The following PRKCD variants were observed in gnomAD, a reference collection of about 807,000 sequenced individuals.
PRKCD encodes protein kinase C delta.
A neutral mutation model predicts 82.2 loss-of-function variants in PRKCD; 20 were observed. The observed-to-expected ratio is 0.24, with a 90% CI of 0.17 to 0.35. PRKCD has a LOEUF of 0.35. Among genes scored for constraint, PRKCD ranks in the 10% least tolerant of loss-of-function variants. The pLI, the probability that PRKCD is intolerant of heterozygous loss-of-function variation, is 1.00. For synonymous variants in PRKCD, 317 were observed against 337.0 expected, an observed-to-expected ratio of 0.94 and a Z score of 0.65; for missense variants, 607 against 899.0, an observed-to-expected ratio of 0.68 and a Z score of 4.15.
chr3:53,181,264 G>A lies in PRKCD; in HGVS notation c.373G>A (p.Val125Met), dbSNP rs370069134. 9.9e-6 allele frequency: 16 copies of A among 1,613,732 alleles called. No individual in the cohort carries two copies. The African/African-American group carries it at 1.3e-4, about 13-fold the overall frequency. Residue 125 changes from valine (V) to methionine (M), a missense_variant, in exon 5 of 19, where the codon GTG becomes ATG. Physicochemically the swap from Val to Met is conservative, Grantham distance 21 (BLOSUM62 1). Around this residue, in one of 5 missense-constraint regions of PRKCD, gnomAD observed 161 missense variants for 227.0 expected, o/e 0.71. Transcript: ENST00000330452. ...LMSVQYFLED[V>M]DCKQSMRSED... The stretch of plus-strand genomic sequence containing the variant: ...GTCTGTTCAGTATTTCCTGGAGGAC[G>A]TGGGTAAGAACTCCCTGGGGGTGGA...
At position 53,188,794 on chromosome 3, in the gene PRKCD, A is replaced by T. The variant is rs782805306; in HGVS notation, c.1490A>T (p.Glu497Val). Residue 497 changes from glutamate to valine, a missense_variant, in exon 16 of 19, where the codon GAG (glutamate) becomes GTG (valine). By Grantham distance (121) the Glu-to-Val change is moderately radical. Around this residue, in one of 5 missense-constraint regions of PRKCD, gnomAD observed 251 missense variants for 423.9 expected, o/e 0.59. Coordinates refer to ENST00000330452, the MANE Select transcript of PRKCD (RefSeq NM_006254.4). ...ATTGCCGACTTTGGGATGTGCAAAG[A>T]GAACATATTCGGGGAGAGCCGGGCC... Reference protein sequence around the residue: ...IKIADFGMCKENIFGESRAST... With the variant: ...IKIADFGMCKVNIFGESRAST... 1 of 1,614,204 alleles carries T rather than the reference A, an allele frequency of 6.2e-7. No homozygotes were observed. Among genetic ancestry groups the T allele is most frequent in the Non-Finnish European group, 8.5e-7 (1 of 1,180,036 alleles).
chr3:53,185,139 CT>C (rs1213286992), intron 10 of PRKCD, among the ~76,000 whole-genome samples, 165 bp downstream of exon 10: 4 of 152,122 alleles, frequency 2.6e-5, no homozygotes, highest in Non-Finnish European at 5.9e-5. Context: ...GGGAGGGGGG[CT>C]TTTTTTCATA....
chr3:53,182,977 TG>T, intron 7 of PRKCD, 143 bp from the exon 8 acceptor site: 1 of 772,948 alleles, frequency 1.3e-6, no homozygotes, highest in Non-Finnish European at 2.2e-6. Context: ...ACTCAAGCGC[TG>T]GGCCTCTGCG....
intron 8 of PRKCD, 48 bp from the exon 9 acceptor site, chr3:53,183,404 G>A (rs1703539742): frequency 6.2e-7 from 1 of 1,609,838 alleles, no homozygotes; most frequent in African/African-American, 1.3e-5. Context: ...TTGAAGAAGA[G>A]GCTGGAGCTG....
Position 53,169,179 on chromosome 3 carries a change from A to G in PRKCD, c.-20+3964A>G, listed in dbSNP as rs532211681. 2.4e-4 allele frequency among the ~76,000 whole-genome samples: 37 copies of G among 151,022 alleles called. No homozygotes were observed. The highest frequency in any genetic ancestry group is 8.5e-4 in the African/African-American group (35 of 41,064). On this transcript the variant is annotated intron_variant, in intron 2 of 18. Transcript: ENST00000330452. The surrounding 1 kb of genome is among the most constrained non-coding windows in gnomAD (Gnocchi z 4.7). ...GCTCGTGCACTCCTAGTGGATGAGGAGCGCTGGGAGGGGAACGGCGGGGGA... is the reference window on the plus strand; with the variant it reads ...GCTCGTGCACTCCTAGTGGATGAGGGGCGCTGGGAGGGGAACGGCGGGGGA...
Position 53,181,551 on chromosome 3 carries a change from A to G in PRKCD, c.484A>G (p.Ile162Val). 1.9e-6 allele frequency: 3 copies of G among 1,614,242 alleles called. No individual in the cohort carries two copies. The highest frequency in any genetic ancestry group is 2.5e-6 in the Non-Finnish European group (3 of 1,180,028). ...CCACTACATCAAGAACCATGAGTTTATCGCCACCTTCTTTGGGCAACCCAC... is the reference window on the plus strand; with the variant it reads ...CCACTACATCAAGAACCATGAGTTTGTCGCCACCTTCTTTGGGCAACCCAC... ...KIHYIKNHEF[I>V]ATFFGQPTFC... is the part of the protein sequence containing the mutation. The change falls in exon 6 of 19, where the codon ATC becomes GTC. Residue 162 changes from isoleucine to valine, a missense_variant. Around this residue, in one of 5 missense-constraint regions of PRKCD, gnomAD observed 161 missense variants for 227.0 expected, o/e 0.71. Transcript: ENST00000330452.
At position 53,179,785 on chromosome 3, in the gene PRKCD, C is replaced by T. The variant is rs200076653; in HGVS notation, c.315+9C>T. 17 of 1,551,416 alleles carry T rather than the reference C, an allele frequency of 1.1e-5. No individual in the cohort carries two copies. Among genetic ancestry groups the T allele is most frequent in the Admixed American group, 7.9e-5 (4 of 50,860 alleles). ...GCAAGGCTGAGTTCTGGGTAAGGGG[C>T]GCACGAGCCGTGCCGTGTGTGTGTG... On this transcript the variant is annotated intron_variant, in intron 4 of 18. Coordinates refer to ENST00000330452, the MANE Select transcript of PRKCD (RefSeq NM_006254.4).
At chr3:53,189,701 G>A (rs1178691319) in intron 17 of PRKCD, among the ~76,000 whole-genome samples, 172 bp from the exon 18 acceptor site, 1 of 152,226 alleles carries the variant, frequency 6.6e-6, no homozygotes, top group Non-Finnish European at 1.5e-5. Context: ...GTCATCTCCG[G>A]GGGAGCTGGG....
chr3:53,179,520 T>A, intron 3 of PRKCD, 57 bp from the exon 4 acceptor site: 1 of 1,606,776 alleles, frequency 6.2e-7, no homozygotes, highest in African/African-American at 1.3e-5. Flanking sequence ...CGTGGAGGTC[T>A]ACGAGGGAGG....
At chr3:53,170,603 A>G (rs1553664693) in intron 2 of PRKCD, among the ~76,000 whole-genome samples, 1 of 152,242 alleles carries the variant, frequency 6.6e-6, no homozygotes, top group African/African-American at 2.4e-5. Context: ...CTCTGGATCA[A>G]GAGGGACTTT....
At chr3:53,187,148 T>C (rs935874785) in intron 14 of PRKCD, among the ~76,000 whole-genome samples, 192 bp from the exon 15 acceptor site, 31 of 151,668 alleles carry the variant, frequency 2.0e-4, no homozygotes, top group African/African-American at 7.6e-4. Context: ...ACTGAGAGCT[T>C]TCCCTTCAGA....
intron 11 of PRKCD, 71 bp downstream of exon 11, chr3:53,185,771 C>A: frequency 6.4e-7 from 1 of 1,555,272 alleles, no homozygotes; most frequent in Non-Finnish European, 8.9e-7. Context: ...ACTGTCCTCC[C>A]TTCCATTGTC....
intron 4 of PRKCD, 39 bp downstream of exon 4, chr3:53,179,815 T>C (rs1419374920): frequency 2.6e-6 from 4 of 1,548,452 alleles, no homozygotes; most frequent in Non-Finnish European, 3.5e-6. Flanking sequence ...TGTGTGTGTG[T>C]GTGTCTGTGT....
At chr3:53,189,035 C>G (rs782252373) in intron 16 of PRKCD, 23 bp from the exon 17 acceptor site, 1 of 1,599,416 alleles carries the variant, frequency 6.3e-7, no homozygotes, top group South Asian at 1.1e-5. Flanking sequence ...CTCCTGCTGA[C>G]CTGCTGCTCT....
chr3:53,175,039 G>C (rs1703167782), intron 2 of PRKCD, among the ~76,000 whole-genome samples: 1 of 152,332 alleles, frequency 6.6e-6, no homozygotes, highest in African/African-American at 2.4e-5. Context: ...TGCAGTCCTG[G>C]GGTGGTCCCC....
At chr3:53,181,414 G>A in intron 5 of PRKCD, 30 bp from the exon 6 acceptor site, 1 of 1,613,880 alleles carries the variant, frequency 6.2e-7, no homozygotes, top group Non-Finnish European at 8.5e-7. Flanking sequence ...CCAGATACCA[G>A]GGCTGACTTC....
At position 53,169,730 on chromosome 3, in the gene PRKCD, G is replaced by A. The variant is rs1001545607; in HGVS notation, c.-20+4515G>A. 6.6e-6 allele frequency among the ~76,000 whole-genome samples: 1 copy of A among 152,198 alleles called. No individual in the cohort carries two copies. The highest frequency in any genetic ancestry group is 1.5e-5 in the Non-Finnish European group (1 of 68,012). Reference sequence around the variant, plus strand: ...GGCAGTAGCTGGCCAGCCTCTGCCAGTGGACTCATGCTGCCTGCTTCAGCC... The same window carrying A: ...GGCAGTAGCTGGCCAGCCTCTGCCAATGGACTCATGCTGCCTGCTTCAGCC... On this transcript the variant is annotated intron_variant, in intron 2 of 18. Coordinates refer to ENST00000330452, the MANE Select transcript of PRKCD (RefSeq NM_006254.4). This position sits in a 1 kb window ranked among gnomAD's most constrained non-coding sequence, Gnocchi z 4.7.
chr3:53,164,945 C>T (rs1702787040), intron 1 of PRKCD, among the ~76,000 whole-genome samples, 159 bp from the exon 2 acceptor site: 1 of 152,130 alleles, frequency 6.6e-6, no homozygotes, highest in African/African-American at 2.4e-5. Flanking sequence ...TTGGGCCCAA[C>T]ACCACATTTC....
chr3:53,186,359 G>C lies in PRKCD; in HGVS notation c.1260+19G>C. 1 of 1,613,020 alleles carries C rather than the reference G, an allele frequency of 6.2e-7. No individual in the cohort carries two copies. The highest frequency in any genetic ancestry group is 1.1e-5 in the South Asian group (1 of 90,964). ...GACCAAGGTGCCCGGGCCTCCTGCCGTCACCACCCCATGCCACAGCCATGT... is the reference window on the plus strand; with the variant it reads ...GACCAAGGTGCCCGGGCCTCCTGCCCTCACCACCCCATGCCACAGCCATGT... On this transcript the variant is annotated intron_variant, in intron 13 of 18. Coordinates refer to ENST00000330452, the MANE Select transcript of PRKCD (RefSeq NM_006254.4).
Sources: gnomAD v4.1 joint callset for allele counts (sites outside exome capture counted in the v4.1 genomes callset) on GRCh38, gnomAD v4.1.1 for gene constraint, gnomAD v4.1.1 regional missense constraint, Gnocchi (gnomAD v3.1) non-coding constraint, MANE v1.5 for transcripts, NCBI Gene and HGNC (gene_info 2026-07-23, HGNC 2026-07-21) for gene names.